Variants in PPP2R2C observed in about 807,000 individuals in gnomAD.
PPP2R2C encodes the protein protein phosphatase 2 regulatory subunit Bgamma, also known as protein phosphatase 2, regulatory subunit B, gamma.
A neutral mutation model predicts 45.3 loss-of-function variants in PPP2R2C; 10 were observed. The ratio of observed to expected loss-of-function variants is 0.22; its 90% CI spans 0.14 to 0.37. The LOEUF (loss-of-function observed/expected upper bound fraction) is 0.37. Ranked by LOEUF, PPP2R2C falls within the 10% of genes least tolerant of loss-of-function variation. PPP2R2C has a pLI of 1.00. For missense variants in PPP2R2C, 308 were observed against 619.7 expected, an observed-to-expected ratio of 0.50 and a Z score of 5.34; for synonymous variants, 257 against 245.4, an observed-to-expected ratio of 1.05 and a Z score of -0.44.
intron 2 of PPP2R2C, among the ~76,000 whole-genome samples, chr4:6,514,923 T>A (rs183758608): frequency 6.6e-6 from 1 of 152,178 alleles, no homozygotes; most frequent in African/African-American, 2.4e-5. Flanking sequence ...ATCACTACAA[T>A]CTCTGTCTCT....
At chr4:6,473,326 A>G (rs549299804), upstream of PPP2R2C, among the ~76,000 whole-genome samples, 1 of 150,336 alleles carries the variant, frequency 6.7e-6, no homozygotes, top group South Asian at 2.2e-4. Flanking sequence ...GGGCTCTGCC[A>G]AACAGGAACC....
chr4:6,340,597 A>C (rs1220883883), intron 6 of PPP2R2C, among the ~76,000 whole-genome samples: 1 of 145,106 alleles, frequency 6.9e-6, no homozygotes, highest in Admixed American at 6.8e-5. Context: ...GGCAGGGCCC[A>C]CCACCTTCCC....
At chr4:6,447,082 G>A (rs1720462570) in intron 1 of PPP2R2C, among the ~76,000 whole-genome samples, 1 of 152,128 alleles carries the variant, frequency 6.6e-6, no homozygotes, top group East Asian at 1.9e-4. Flanking sequence ...ACAAAGACCT[G>A]CTAGAGAAAA....
At chr4:6,351,381 T>C (rs7663181) in intron 5 of PPP2R2C, 964,383 of 983,630 alleles carry the variant, frequency 0.98, 473,642 homozygotes, top group East Asian at 1. Flanking sequence ...TCTGTAGCCC[T>C]GTGGCAAACA....
In PPP2R2C at chr4:6,368,270, G is replaced by A. The variant is rs1405375955; in HGVS notation, c.625+4253C>T. On this transcript the variant is annotated intron_variant, in intron 5 of 8. Transcript: ENST00000382599. This position sits in a 1 kb window ranked among gnomAD's most constrained non-coding sequence, Gnocchi z 4.2. ...CTTACCCTCCACCGACCTGAGGCCT[G>A]CAGCCAGCAGCAGGCGTGGCTGGAG... 1.3e-5 allele frequency among the ~76,000 whole-genome samples: 2 copies of A among 152,178 alleles called. No individual in the cohort carries two copies. The highest frequency in any genetic ancestry group is 3.9e-4 in the East Asian group (2 of 5,186).
At chr4:6,373,563 C>G (rs1715036092) in intron 4 of PPP2R2C, among the ~76,000 whole-genome samples, 1 of 152,236 alleles carries the variant, frequency 6.6e-6, no homozygotes, top group Admixed American at 6.5e-5. Context: ...TCTTGTTTAT[C>G]TCTCCATCTC....
chr4:6,344,825 ATTC>A (rs751479670), intron 6 of PPP2R2C, among the ~76,000 whole-genome samples: 5 of 152,160 alleles, frequency 3.3e-5, no homozygotes, highest in African/African-American at 4.8e-5. Context: ...GGCATTAAAA[ATTC>A]TTCTAAAACA....
chr4:6,340,231 CA>C (rs997593239), intron 6 of PPP2R2C, among the ~76,000 whole-genome samples: 1 of 152,160 alleles, frequency 6.6e-6, no homozygotes, highest in African/African-American at 2.4e-5. Context: ...TCTTTGCACA[CA>C]AGAGCCCACC....
intron 2 of PPP2R2C, among the ~76,000 whole-genome samples, chr4:6,495,476 C>T (rs1279394478): frequency 6.6e-6 from 1 of 152,206 alleles, no homozygotes; most frequent in East Asian, 1.9e-4. Flanking sequence ...CCGGATCCCA[C>T]CTGGGATGAG....
chr4:6,493,364 G>A (rs1228082974), intron 2 of PPP2R2C, among the ~76,000 whole-genome samples: 2 of 151,726 alleles, frequency 1.3e-5, no homozygotes, highest in African/African-American at 2.4e-5. Context: ...GGGGTGGGGG[G>A]CGTGTGGACA....
intron 2 of PPP2R2C, among the ~76,000 whole-genome samples, chr4:6,519,190 G>GTGTTGGGCCCCCAGCTA (rs889146264): frequency 2.0e-5 from 3 of 152,144 alleles, no homozygotes; most frequent in African/African-American, 7.2e-5. Context: ...AATACCAGCT[G>GTGTTGGGCCCCCAGCTA]TGTTGGGCCC....
At chr4:6,350,800 G>A (rs779723839) in intron 5 of PPP2R2C, 17 of 985,316 alleles carry the variant, frequency 1.7e-5, no homozygotes, top group Non-Finnish European at 1.9e-5. Context: ...GTGGTCTGCT[G>A]TGACACTGTT....
intron 2 of PPP2R2C, among the ~76,000 whole-genome samples, chr4:6,494,475 G>T (rs1722809874): frequency 6.6e-6 from 1 of 152,218 alleles, no homozygotes; most frequent in East Asian, 1.9e-4. Context: ...CATCCTACTG[G>T]GGCAAGGAGC....
At chr4:6,458,676 C>T (rs1397646286) in intron 1 of PPP2R2C, among the ~76,000 whole-genome samples, 2 of 151,664 alleles carry the variant, frequency 1.3e-5, no homozygotes, top group African/African-American at 4.8e-5. Context: ...TGTGTACAAG[C>T]AATCAGCAAT....
Position 6,323,249 on chromosome 4 carries a change from G to T in PPP2R2C, c.*53C>A, listed in dbSNP as rs78432169. On this transcript the variant is annotated 3_prime_UTR_variant, in exon 9 of 9. Transcript: ENST00000382599. ...CTTGCATTGCGGTCGTGAAGGTCAT[G>T]TCGGGGATGACTTGCATGAGGCTGG... is the stretch of plus-strand genomic sequence containing the variant. The T allele has an allele frequency of 1.1e-3, 1,755 of 1,543,660 alleles. 26 individuals carry two copies. The African/African-American group carries it at 0.021, about 19-fold the overall frequency.
At chr4:6,356,709 C>A (rs73795999) in intron 5 of PPP2R2C, among the ~76,000 whole-genome samples, 1 of 152,234 alleles carries the variant, frequency 6.6e-6, no homozygotes, top group Admixed American at 6.5e-5. Flanking sequence ...AGAAGGTCTG[C>A]GGCCTGTTCT....
At chr4:6,404,891 G>C (rs961959619) in intron 1 of PPP2R2C, among the ~76,000 whole-genome samples, 14 of 152,340 alleles carry the variant, frequency 9.2e-5, no homozygotes, top group African/African-American at 2.6e-4. Flanking sequence ...GGTCAGGTCC[G>C]CCCTGCCCCG....
intron 1 of PPP2R2C, among the ~76,000 whole-genome samples, chr4:6,426,161 AG>A (rs1188603648): frequency 6.6e-6 from 1 of 152,220 alleles, no homozygotes; most frequent in African/African-American, 2.4e-5. Context: ...CCCTCTGCCC[AG>A]CCTTGGGGTG....
intron 1 of PPP2R2C, among the ~76,000 whole-genome samples, chr4:6,420,115 G>A (rs550368590): frequency 1.1e-4 from 16 of 152,162 alleles, no homozygotes; most frequent in Admixed American, 5.2e-4. Flanking sequence ...ACACTTCTGC[G>A]TGTGTGTGCA....
Sources: allele counts gnomAD v4.1 joint callset (sites outside exome capture counted in the v4.1 genomes callset), GRCh38; gene constraint gnomAD v4.1.1; non-coding constraint Gnocchi (gnomAD v3.1); transcripts MANE v1.5; gene names NCBI Gene and HGNC (gene_info 2026-07-23, HGNC 2026-07-21).